Variants in MGA observed in about 807,000 individuals in gnomAD.
MGA encodes MAX gene-associated protein.
In MGA, 40 loss-of-function variants were observed where a neutral mutation model predicts 261.1. The observed-to-expected ratio is 0.15, with a 90% confidence interval of 0.12 to 0.20. MGA has a LOEUF of 0.20. Among genes scored for constraint, MGA ranks in the 10% least tolerant of loss-of-function variants. The pLI, the probability that MGA is intolerant of heterozygous loss-of-function variation, is 1.00. For missense variants in MGA, 3,397 were observed against 3,630.5 expected (o/e 0.94, Z 1.65); for synonymous variants, 1,302 against 1,290.6 (o/e 1.01, Z -0.19).
chr15:41,705,552 G>A (rs149927283), intron 5 of MGA, among the ~76,000 whole-genome samples: 2 of 152,094 alleles, frequency 1.3e-5, no homozygotes, highest in African/African-American at 4.8e-5. Flanking sequence ...TGTAGAAATG[G>A]GGTCTTAACC....
chr15:41,699,129 A>C lies in MGA; in HGVS notation c.2158A>C (p.Lys720Gln). Residue 720 changes from lysine to glutamine, a missense_variant, in exon 5 of 24, where the codon AAG becomes CAG. By Grantham distance (53) the Lys-to-Gln change is moderately conservative. Coordinates refer to ENST00000219905, the MANE Select transcript of MGA (RefSeq NM_001164273.2). Reference sequence around the variant, plus strand: ...AGAAGATTTGAAGACTTTGCGGCACAAGCAGGTGATACATCCTGGTCTTCA... The same window carrying C: ...AGAAGATTTGAAGACTTTGCGGCACCAGCAGGTGATACATCCTGGTCTTCA... The C allele has an allele frequency of 6.2e-7, 1 of 1,611,598 alleles. No individual in the cohort carries two copies. Among genetic ancestry groups the C allele is most frequent in the Non-Finnish European group, 8.5e-7 (1 of 1,178,780 alleles).
At chr15:41,735,040 C>T (rs144252693) in intron 12 of MGA, among the ~76,000 whole-genome samples, 123 of 152,244 alleles carry the variant, frequency 8.1e-4, no homozygotes, top group African/African-American at 2.8e-3. Flanking sequence ...AGGTGGTTAC[C>T]AATTTGTTTT....
chr15:41,660,827 C>T (rs577750482), intron 1 of MGA, among the ~76,000 whole-genome samples: 47 of 152,268 alleles, frequency 3.1e-4, no homozygotes, highest in African/African-American at 1.1e-3. Flanking sequence ...TGAGAAGCGC[C>T]CATGGCTCGG....
At position 41,767,136 on chromosome 15, in the gene MGA, T is replaced by A. The variant is rs767502647; in HGVS notation, c.9054T>A (p.Ala3018=). The A allele has an allele frequency of 1.2e-6, 2 of 1,613,962 alleles. No individual in the cohort carries two copies. The highest frequency in any genetic ancestry group is 2.2e-5 in the South Asian group (2 of 91,082). The change falls in exon 24 of 24, where the codon GCT becomes GCA. Residue 3018 remains alanine (A), a synonymous_variant. Transcript: ENST00000219905. ...TGATGCCTTGTTTGGCACCTATAGC[T>A]GCCAAAGTTGGGTCAGTTGGACACA...
chr15:41,728,389 AG>A (rs2061354433), intron 10 of MGA, among the ~76,000 whole-genome samples: 1 of 152,218 alleles, frequency 6.6e-6, no homozygotes, highest in Non-Finnish European at 1.5e-5. Flanking sequence ...ATCTCCACGC[AG>A]TCCAAATTCT....
rs2063725212 is a variant in MGA at position 41,764,979 on chromosome 15, C to T, written c.7838C>T (p.Ser2613Leu). The stretch of plus-strand genomic sequence containing the variant: ...CTCACCCTAAAAGGTCCCCTATTCT[C>T]AGGACCAGTGGTAGCTGTTTCTCCT... The change falls in exon 23 of 24, where the codon TCA becomes TTA. Residue 2613 changes from serine (S) to leucine (L), a missense_variant. Transcript: ENST00000219905. 6.2e-7 allele frequency: 1 copy of T among 1,614,056 alleles called. No homozygotes were observed. Among genetic ancestry groups the T allele is most frequent in the African/African-American group, 1.3e-5 (1 of 75,052 alleles).
intron 1 of MGA, among the ~76,000 whole-genome samples, chr15:41,637,838 G>A (rs759958745): frequency 2.6e-5 from 4 of 151,522 alleles, no homozygotes; most frequent in Non-Finnish European, 4.4e-5. Context: ...TCCGCCTCCC[G>A]GCTTCAAGAG....
intron 2 of MGA, among the ~76,000 whole-genome samples, chr15:41,675,909 CAG>C (rs1379291644): frequency 1.3e-5 from 2 of 152,142 alleles, no homozygotes; most frequent in African/African-American, 4.8e-5. Flanking sequence ...CTAAGTGTAA[CAG>C]AATACCTTTT....
At chr15:41,654,755 C>A (rs2057130502) in intron 1 of MGA, among the ~76,000 whole-genome samples, 1 of 152,256 alleles carries the variant, frequency 6.6e-6, no homozygotes, top group South Asian at 2.1e-4. Context: ...CTCAAGCATT[C>A]CTTCCACCTC....
intron 5 of MGA, among the ~76,000 whole-genome samples, chr15:41,699,687 A>G (rs917302729): frequency 2.6e-5 from 4 of 152,288 alleles, no homozygotes; most frequent in South Asian, 4.1e-4. Flanking sequence ...TATTTTTAGT[A>G]GAGACGGTTT....
At chr15:41,657,483 G>A (rs559002124), upstream of MGA, among the ~76,000 whole-genome samples, 5 of 151,432 alleles carry the variant, frequency 3.3e-5, no homozygotes, top group Admixed American at 6.6e-5. Context: ...CCTCCCGTGT[G>A]GCTGGGATTA....
intron 1 of MGA, among the ~76,000 whole-genome samples, chr15:41,633,148 A>G (rs954520199): frequency 6.6e-6 from 1 of 151,828 alleles, no homozygotes; most frequent in Non-Finnish European, 1.5e-5. Context: ...ACGGGGTTTC[A>G]CTGCGTTAGC....
Position 41,696,515 on chromosome 15 carries a change from T to C in MGA, c.1505T>C (p.Leu502Ser). The change falls in exon 3 of 24, where the codon TTG (leucine) becomes TCG (serine). Residue 502 changes from leucine (L) to serine (S), a missense_variant. Coordinates refer to ENST00000219905, the MANE Select transcript of MGA (RefSeq NM_001164273.2). ...TCTCGAAAGGATAAATCTTCTATGT[T>C]GGCAGAATTGGAATATTTGCCTACA... 1.2e-6 allele frequency: 2 copies of C among 1,614,016 alleles called. No homozygotes were observed. The highest frequency in any genetic ancestry group is 1.7e-6 in the Non-Finnish European group (2 of 1,179,900).
intron 12 of MGA, among the ~76,000 whole-genome samples, chr15:41,735,534 C>A (rs936494371): frequency 6.6e-5 from 10 of 152,070 alleles, no homozygotes; most frequent in African/African-American, 2.4e-4. Flanking sequence ...TCAAGAGATC[C>A]AAGACCATCC....
At position 41,766,011 on chromosome 15, in the gene MGA, C is replaced by G. The variant is rs370684330; in HGVS notation, c.7929C>G (p.Asp2643Glu). The change falls in exon 24 of 24, where the codon GAC (aspartate) becomes GAG (glutamate). Residue 2643 changes from aspartate to glutamate, a missense_variant. This residue lies in a region of MGA where 647 missense variants were observed against 642.4 expected (regional missense o/e 1.01). Transcript: ENST00000219905. ...TTAATTTTTGTTTTTCAGAAAATGA[C>G]GACTTATTTATGATGCCACGAATTG... The G allele has an allele frequency of 1.2e-5, 19 of 1,593,764 alleles. No individual in the cohort carries two copies. The highest frequency in any genetic ancestry group is 9.0e-5 in the South Asian group (8 of 88,452).
At chr15:41,731,695 A>G (rs1348524995) in intron 11 of MGA, among the ~76,000 whole-genome samples, 1 of 152,238 alleles carries the variant, frequency 6.6e-6, no homozygotes, top group East Asian at 1.9e-4. Context: ...TTTTCAAAGT[A>G]AAGTTATTCA....
rs1458601721 is a variant in MGA at position 41,749,754 on chromosome 15, G to A, written c.6147G>A (p.Glu2049=). The change falls in exon 17 of 24, where the codon GAG becomes GAA. Residue 2049 remains glutamate, a synonymous_variant. Transcript: ENST00000219905. ...GTTGTGCAACTGTCAAACCATCTGA[G>A]CATTCCTGTATCACTGGGTCACATA... The A allele has an allele frequency of 6.2e-7, 1 of 1,613,872 alleles. No homozygotes were observed. The highest frequency in any genetic ancestry group is 1.3e-5 in the African/African-American group (1 of 74,924).
intron 5 of MGA, among the ~76,000 whole-genome samples, chr15:41,705,206 C>G (rs186188998): frequency 6.6e-6 from 1 of 152,170 alleles, no homozygotes; most frequent in African/African-American, 2.4e-5. Context: ...CTCAGGTGAT[C>G]TGCCCACCTC....
At chr15:41,659,526 A>G (rs1458483245), upstream of MGA, among the ~76,000 whole-genome samples, 1 of 152,276 alleles carries the variant, frequency 6.6e-6, no homozygotes, top group Non-Finnish European at 1.5e-5. Flanking sequence ...TCAGGAGCAC[A>G]GAAGAAAGAA....
Sources: allele counts gnomAD v4.1 joint callset (sites outside exome capture counted in the v4.1 genomes callset), GRCh38; gene constraint gnomAD v4.1.1; regional missense constraint gnomAD v4.1.1; transcripts MANE v1.5; gene names NCBI Gene and HGNC (gene_info 2026-07-23, HGNC 2026-07-21).